The following KSR2 variants were observed in gnomAD, a reference collection of about 807,000 sequenced individuals.
KSR2 encodes kinase suppressor of ras 2.
KSR2 carries 25 observed loss-of-function variants against 107.8 expected under a neutral mutation model. The observed-to-expected ratio is 0.23, with a 90% CI of 0.17 to 0.32. The LOEUF (loss-of-function observed/expected upper bound fraction) is 0.32, where lower values mean the gene tolerates loss of function less well. Ranked by LOEUF, KSR2 falls within the 10% of genes least tolerant of loss-of-function variation. The pLI, the probability that KSR2 is intolerant of heterozygous loss-of-function variation, is 1.00. For synonymous variants in KSR2, 480 were observed against 507.0 expected, an observed-to-expected ratio of 0.95 and a Z score of 0.71; for missense variants, 887 against 1,268.9, an observed-to-expected ratio of 0.70 and a Z score of 4.57.
At chr12:117,475,987 G>A (rs1171725122) in intron 17 of KSR2, among the ~76,000 whole-genome samples, 1 of 152,160 alleles carries the variant, frequency 6.6e-6, no homozygotes, top group Admixed American at 6.5e-5. Context: ...CTTCAGATGA[G>A]ACCGCAGCCC....
At chr12:117,653,316 A>C (rs1028410400) in intron 5 of KSR2, among the ~76,000 whole-genome samples, 4 of 152,260 alleles carry the variant, frequency 2.6e-5, no homozygotes, top group Non-Finnish European at 5.9e-5. Flanking sequence ...GACTTGGCAA[A>C]TACCTTTTTC....
intron 2 of KSR2, among the ~76,000 whole-genome samples, 189 bp downstream of exon 2, chr12:117,860,100 GCA>G (rs1893238069): frequency 6.6e-6 from 1 of 152,204 alleles, no homozygotes; most frequent in Non-Finnish European, 1.5e-5. Context: ...GACTCTGGAA[GCA>G]CACTCTCAAT....
At chr12:117,850,156 G>A (rs571620913) in intron 3 of KSR2, among the ~76,000 whole-genome samples, 2 of 152,334 alleles carry the variant, frequency 1.3e-5, no homozygotes, top group Admixed American at 1.3e-4. Context: ...TGGCTCACTG[G>A]TTCCCCCTGG....
chr12:117,530,533 A>C (rs1875541409), intron 12 of KSR2, among the ~76,000 whole-genome samples: 1 of 152,160 alleles, frequency 6.6e-6, no homozygotes, highest in East Asian at 1.9e-4. Flanking sequence ...CCTCAATGAG[A>C]CTTTTGAAAG....
intron 2 of KSR2, among the ~76,000 whole-genome samples, chr12:117,856,073 C>A (rs1893092790): frequency 1.3e-5 from 2 of 152,118 alleles, no homozygotes; most frequent in African/African-American, 2.4e-5. Context: ...GGGTCTAGGG[C>A]TCACACTGGT....
At chr12:117,788,825 T>TA (rs1331008055) in intron 3 of KSR2, among the ~76,000 whole-genome samples, 1 of 152,190 alleles carries the variant, frequency 6.6e-6, no homozygotes, top group East Asian at 1.9e-4. Flanking sequence ...CAGAACACAT[T>TA]TCAAATGACC....
At chr12:117,524,790 T>G (rs1874996410) in intron 14 of KSR2, 62 bp downstream of exon 14, 2 of 1,538,196 alleles carry the variant, frequency 1.3e-6, no homozygotes, top group Admixed American at 4.2e-5. Context: ...GAAAACCATT[T>G]CTCAACCATG....
chr12:117,935,717 G>A (rs953104766), intron 1 of KSR2, among the ~76,000 whole-genome samples: 2 of 152,086 alleles, frequency 1.3e-5, no homozygotes, highest in East Asian at 1.9e-4. Flanking sequence ...CCAAGATTGC[G>A]CTACTGCACT....
chr12:117,887,224 G>A (rs1047305496), intron 1 of KSR2, among the ~76,000 whole-genome samples: 7 of 151,764 alleles, frequency 4.6e-5, no homozygotes, highest in South Asian at 2.1e-4. Flanking sequence ...ATGCCCAGCC[G>A]GATTTTTTTT....
chr12:117,504,298 C>T (rs887424899), intron 14 of KSR2, among the ~76,000 whole-genome samples: 6 of 152,192 alleles, frequency 3.9e-5, no homozygotes, highest in African/African-American at 1.4e-4. Context: ...CACCAAGTCT[C>T]ACCTTGGTAA....
chr12:117,769,854 G>T (rs2136906402), intron 3 of KSR2, among the ~76,000 whole-genome samples: 1 of 152,136 alleles, frequency 6.6e-6, no homozygotes, highest in South Asian at 2.1e-4. Flanking sequence ...AGGAGTTCAA[G>T]ACCAGACTGG....
intron 3 of KSR2, among the ~76,000 whole-genome samples, chr12:117,793,169 CA>C (rs1890337777): frequency 6.9e-6 from 1 of 145,158 alleles, no homozygotes; most frequent in East Asian, 2.2e-4. Flanking sequence ...CGCACACCAA[CA>C]TGTACACACA....
intron 10 of KSR2, among the ~76,000 whole-genome samples, chr12:117,537,851 A>G (rs1482888977): frequency 6.6e-6 from 1 of 152,180 alleles, no homozygotes; most frequent in Non-Finnish European, 1.5e-5. Context: ...GGACACCCTG[A>G]TTACTCCTGG....
chr12:117,475,731 C>T (rs919536791), intron 17 of KSR2, among the ~76,000 whole-genome samples: 3 of 152,156 alleles, frequency 2.0e-5, no homozygotes, highest in African/African-American at 7.2e-5. Context: ...TAAGATAGAG[C>T]TTAATTCTCC....
At chr12:117,516,513 A>G (rs1874388369) in intron 14 of KSR2, among the ~76,000 whole-genome samples, 1 of 152,152 alleles carries the variant, frequency 6.6e-6, no homozygotes, top group Non-Finnish European at 1.5e-5. Flanking sequence ...TGCTGCTACC[A>G]TTATTATTAT....
intron 4 of KSR2, among the ~76,000 whole-genome samples, chr12:117,727,628 T>C (rs749699543): frequency 6.6e-5 from 10 of 151,882 alleles, no homozygotes; most frequent in Non-Finnish European, 1.2e-4. Context: ...CACCAAGTAT[T>C]GCCAGGAGCC....
intron 3 of KSR2, among the ~76,000 whole-genome samples, chr12:117,811,067 G>A (rs1489238250): frequency 2.0e-5 from 3 of 152,108 alleles, no homozygotes; most frequent in Non-Finnish European, 4.4e-5. Context: ...CCTGGGTCTC[G>A]GATGAAACCC....
chr12:117,711,802 A>G (rs1886794010), intron 4 of KSR2, among the ~76,000 whole-genome samples: 1 of 152,164 alleles, frequency 6.6e-6, no homozygotes, highest in Non-Finnish European at 1.5e-5. Flanking sequence ...CTGCTATAAT[A>G]TACAAAGCAG....
At chr12:117,650,932 T>C (rs973099578) in intron 5 of KSR2, among the ~76,000 whole-genome samples, 2 of 152,212 alleles carry the variant, frequency 1.3e-5, no homozygotes, top group Non-Finnish European at 2.9e-5. Flanking sequence ...CATAAGCTCT[T>C]ACCATGTGAG....
Sources: gnomAD v4.1 joint callset for allele counts (sites outside exome capture counted in the v4.1 genomes callset) on GRCh38, gnomAD v4.1.1 for gene constraint, MANE v1.5 for transcripts, NCBI Gene and HGNC (gene_info 2026-07-23, HGNC 2026-07-21) for gene names.